Variants in MCRS1 observed in about 807,000 individuals in gnomAD.
MCRS1 encodes the protein 58 kDa microspherule protein.
In MCRS1, 22 loss-of-function variants were observed where a neutral mutation model predicts 62.9. The ratio of observed to expected loss-of-function variants is 0.35; its 90% CI spans 0.25 to 0.50. The LOEUF is 0.50. Among genes scored for constraint, MCRS1 ranks in the 20% least tolerant of loss-of-function variants. The pLI is 0.98. For missense variants in MCRS1, 456 were observed against 601.1 expected (o/e 0.76, Z 2.52); for synonymous variants, 244 against 233.5 (o/e 1.04, Z -0.41).
At chr12:49,562,916 T>C (rs1253932642) in intron 8 of MCRS1, 85 bp downstream of exon 8, 9 of 1,473,500 alleles carry the variant, frequency 6.1e-6, no homozygotes, top group African/African-American at 4.2e-5. Flanking sequence ...TACAGGGCAC[T>C]TGAAGGCAGC....
chr12:49,560,194 C>T (rs1400896639), intron 9 of MCRS1, 101 bp downstream of exon 9: 17 of 1,370,534 alleles, frequency 1.2e-5, no homozygotes, highest in Non-Finnish European at 1.5e-5. Flanking sequence ...GGGCCAAGCA[C>T]CAACGGGAGC....
chr12:49,559,878 T>C lies in MCRS1; in HGVS notation c.911-57A>G, dbSNP rs1938667610. On this transcript the variant is annotated intron_variant, in intron 10 of 14. Transcript: ENST00000343810. The surrounding 1 kb of genome is among the most constrained non-coding windows in gnomAD (Gnocchi z 5.2). ...CTCTGAGGCCACCAGCACCTTGTAC[T>C]GGTCCTCTTGATTCTGGCAGGAGCT... 5 of 1,614,106 alleles carry C rather than the reference T, an allele frequency of 3.1e-6. No individual in the cohort carries two copies. The highest frequency in any genetic ancestry group is 4.2e-6 in the Non-Finnish European group (5 of 1,179,926).
At chr12:49,567,169 T>C (rs1275376242) in intron 1 of MCRS1, among the ~76,000 whole-genome samples, 4 of 152,254 alleles carry the variant, frequency 2.6e-5, no homozygotes, top group South Asian at 4.1e-4. Flanking sequence ...AAGGGATTCT[T>C]TGGCCCACAT....
intron 8 of MCRS1, among the ~76,000 whole-genome samples, chr12:49,562,528 G>A (rs570430650): frequency 2.0e-5 from 3 of 152,298 alleles, no homozygotes; most frequent in Non-Finnish European, 4.4e-5. Flanking sequence ...GGGAAAAGAA[G>A]AGGAAGAAGG....
chr12:49,559,104 T>G lies in MCRS1; in HGVS notation c.1174+110A>C. 2.6e-6 allele frequency: 4 copies of G among 1,524,684 alleles called. No homozygotes were observed. The Middle Eastern group carries it at 5.3e-4, about 202-fold the overall frequency. 94.4% of individuals were successfully genotyped at this position (1,524,684 alleles called of 1,614,324 possible). A position where few individuals can be genotyped will look rare whatever the true frequency, so the allele number is the denominator to read the frequency against. The stretch of plus-strand genomic sequence containing the variant: ...GACACCAAGGAATCCCTGCCTCAGG[T>G]GGTCCACGAGGGTCCCCATGGACAC... On this transcript the variant is annotated intron_variant, in intron 13 of 14. Coordinates refer to ENST00000343810, the MANE Select transcript of MCRS1 (RefSeq NM_006337.5). This position sits in a 1 kb window ranked among gnomAD's most constrained non-coding sequence, Gnocchi z 5.2.
chr12:49,562,324 G>A (rs1938811794), intron 8 of MCRS1, among the ~76,000 whole-genome samples: 1 of 152,222 alleles, frequency 6.6e-6, no homozygotes, highest in East Asian at 1.9e-4. Context: ...GACCTCACTG[G>A]GGAGTTCCTC....
At position 49,559,664 on chromosome 12, in the gene MCRS1, A is replaced by G. The variant is rs1938650558; in HGVS notation, c.1003+65T>C. 6.3e-7 allele frequency: 1 copy of G among 1,598,668 alleles called. No individual in the cohort carries two copies. Among genetic ancestry groups the G allele is most frequent in the Admixed American group, 1.7e-5 (1 of 59,668 alleles). On this transcript the variant is annotated intron_variant, in intron 11 of 14. Coordinates refer to ENST00000343810, the MANE Select transcript of MCRS1 (RefSeq NM_006337.5). The surrounding 1 kb of genome is among the most constrained non-coding windows in gnomAD (Gnocchi z 5.2). ...CGAGGGTCTCCCCAGCCAGGCAGCA[A>G]CAGGGGCACAGGCTGGGGCGAAGGA...
chr12:49,566,123 A>C lies in MCRS1; in HGVS notation c.103T>G (p.Ser35Ala). 6.2e-7 allele frequency: 1 copy of C among 1,614,124 alleles called. No individual in the cohort carries two copies. Among genetic ancestry groups the C allele is most frequent in the Non-Finnish European group, 8.5e-7 (1 of 1,180,008 alleles). The change falls in exon 3 of 15, where the codon TCC becomes GCC. Residue 35 changes from serine (S) to alanine (A), a missense_variant. Physicochemically the swap from Ser to Ala is moderately conservative, Grantham distance 99. This residue lies in a region of MCRS1 where 55 missense variants were observed against 49.3 expected (regional missense o/e 1.12). Transcript: ENST00000343810. ...EESLAGQKRA[S>A]SQALGTIPKR... ...GGGATGGTGCCCAAGGCCTGGGAGG[A>C]GGCTCGCTTCTGCCCTGCCAGTGAC...
chr12:49,564,506 G>A lies in MCRS1; in HGVS notation c.532C>T (p.Leu178=), dbSNP rs1403515479. The A allele has an allele frequency of 1.9e-6, 3 of 1,613,238 alleles. No individual in the cohort carries two copies. The highest frequency in any genetic ancestry group is 2.7e-5 in the African/African-American group (2 of 74,920). ...TTGGAGATGACAGGATCGTAGAGCA[G>A]GGCGTACCAACGCTCCTGGACCTCC... ...LREVQERWYA[L]LYDPVISKLA... The change falls in exon 6 of 15, where the codon CTG becomes TTG. Residue 178 remains leucine (L), a synonymous_variant. Coordinates refer to ENST00000343810, the MANE Select transcript of MCRS1 (RefSeq NM_006337.5).
Position 49,558,721 on chromosome 12 carries a change from G to C in MCRS1, c.1311C>G (p.Ser437Arg). ...LSNNSVVEIA[S>R]LRFVFLINQD... Reference sequence around the variant, plus strand: ...GGTTGATAAGGAAGACGAATCGCAGGCTGGCGATCTGGGTGGGAGACAAAG... The same window carrying C: ...GGTTGATAAGGAAGACGAATCGCAGCCTGGCGATCTGGGTGGGAGACAAAG... Residue 437 changes from serine to arginine, a missense_variant, in exon 15 of 15, where the codon AGC becomes AGG. Ser to Arg is a moderately radical substitution (Grantham distance 110, BLOSUM62 -1). Around this residue, in one of 3 missense-constraint regions of MCRS1, gnomAD observed 393 missense variants for 523.5 expected, o/e 0.75. Coordinates refer to ENST00000343810, the MANE Select transcript of MCRS1 (RefSeq NM_006337.5). The C allele has an allele frequency of 6.2e-7, 1 of 1,613,988 alleles. No individual in the cohort carries two copies.
intron 8 of MCRS1, among the ~76,000 whole-genome samples, chr12:49,561,291 G>C (rs1186206929): frequency 6.6e-6 from 1 of 152,210 alleles, no homozygotes; most frequent in African/African-American, 2.4e-5. Context: ...ATAGCAGCTA[G>C]TGGCCATGCA....
chr12:49,561,805 T>G (rs1013798502), intron 8 of MCRS1, among the ~76,000 whole-genome samples: 1 of 151,722 alleles, frequency 6.6e-6, no homozygotes, highest in African/African-American at 2.4e-5. Context: ...CTTTTTGTAT[T>G]TTTAGTAGAG....
rs1565787437 is a variant in MCRS1 at position 49,559,176 on chromosome 12, T to C, written c.1174+38A>G. The C allele has an allele frequency of 6.2e-7, 1 of 1,603,540 alleles. No individual in the cohort carries two copies. Among genetic ancestry groups the C allele is most frequent in the East Asian group, 2.2e-5 (1 of 44,792 alleles). ...CAGCGAGAGGCTGGGAGGGACGACC[T>C]CACACTGCTTCCTGCTGGGGCAGGG... On this transcript the variant is annotated intron_variant, in intron 13 of 14. Transcript: ENST00000343810. This position sits in a 1 kb window ranked among gnomAD's most constrained non-coding sequence, Gnocchi z 5.2.
intron 3 of MCRS1, 139 bp from the exon 4 acceptor site, chr12:49,565,806 T>C: frequency 8.0e-7 from 1 of 1,255,062 alleles, no homozygotes; most frequent in Non-Finnish European, 1.1e-6. Flanking sequence ...CACAGCCTGG[T>C]TGTGGCCATG....
At chr12:49,566,918 C>A in intron 1 of MCRS1, 77 bp from the exon 2 acceptor site, 2 of 707,670 alleles carry the variant, frequency 2.8e-6, no homozygotes, top group South Asian at 1.7e-5. Flanking sequence ...TGGCTCAGGT[C>A]CCCCAGGGTC....
chr12:49,563,072 G>A lies in MCRS1; in HGVS notation c.734C>T (p.Ala245Val), dbSNP rs766090427. ...GGCCTGCAGGGCCTTCGCGGTACGG[G>A]CCAGGTAGAAGGCATCAGGGTGTCT... ...LHRHPDAFYL[A>V]RTAKALQAHW... The change falls in exon 8 of 15, where the codon GCC becomes GTC. Residue 245 changes from alanine to valine, a missense_variant. Around this residue, in one of 3 missense-constraint regions of MCRS1, gnomAD observed 393 missense variants for 523.5 expected, o/e 0.75. Transcript: ENST00000343810. 19 of 1,575,308 alleles carry A rather than the reference G, an allele frequency of 1.2e-5. No individual in the cohort carries two copies. Among genetic ancestry groups the A allele is most frequent in the Non-Finnish European group, 1.6e-5 (18 of 1,158,470 alleles).
intron 14 of MCRS1, 51 bp from the exon 15 acceptor site, chr12:49,558,780 T>C (rs763532989): frequency 1.9e-6 from 3 of 1,613,266 alleles, no homozygotes; most frequent in South Asian, 1.1e-5. Flanking sequence ...CAGGACCAAG[T>C]TGGTGTACTG....
In MCRS1 at chr12:49,564,869, C is replaced by T; in HGVS notation, c.315G>A (p.Val105=). ...CAGGGGCTGGGGCTGGGCTGGGTGGCACAGGAGTGCTGGGGGCTTTGGATA... is the reference window on the plus strand; with the variant it reads ...CAGGGGCTGGGGCTGGGCTGGGTGGTACAGGAGTGCTGGGGGCTTTGGATA... ...KKVSKAPSTP[V]PPSPAPAPGL... Residue 105 remains valine (V), a synonymous_variant, in exon 5 of 15, where the codon GTG becomes GTA. Transcript: ENST00000343810. The T allele has an allele frequency of 1.2e-6, 2 of 1,609,146 alleles. No homozygotes were observed. Among genetic ancestry groups the T allele is most frequent in the South Asian group, 1.1e-5 (1 of 90,702 alleles).
intron 4 of MCRS1, 195 bp downstream of exon 4, chr12:49,565,328 AGGGTTG>A: frequency 1.0e-6 from 1 of 985,226 alleles, no homozygotes; most frequent in Non-Finnish European, 1.2e-6. Flanking sequence ...ATGCAATGGC[AGGGTTG>A]GGGGTGGGGG....
Sources: gnomAD v4.1 joint callset for allele counts (sites outside exome capture counted in the v4.1 genomes callset) on GRCh38, gnomAD v4.1.1 for gene constraint, gnomAD v4.1.1 regional missense constraint, Gnocchi (gnomAD v3.1) non-coding constraint, MANE v1.5 for transcripts, NCBI Gene and HGNC (gene_info 2026-07-23, HGNC 2026-07-21) for gene names.